FGD2: variants seen among roughly 807,000 people sequenced by gnomAD.
The protein encoded by FGD2 is FYVE, RhoGEF and PH domain containing 2.
In FGD2, 52 loss-of-function variants were observed where a neutral mutation model predicts 75.9. The observed-to-expected ratio is 0.69, with a 90% CI of 0.55 to 0.86. FGD2 has a LOEUF of 0.86. Ranked by LOEUF, FGD2 falls within the 40% of genes least tolerant of loss-of-function variation. The probability of loss-of-function intolerance (pLI) is 0.00; values close to 1 mark genes in which losing one functional copy is unlikely to be tolerated. For synonymous variants in FGD2, 347 were observed against 348.6 expected (o/e 1.00, Z 0.05); for missense variants, 790 against 872.0 (o/e 0.91, Z 1.18).
intron 1 of FGD2, 94 bp downstream of exon 1, chr6:37,005,979 C>T (rs1764730183): frequency 7.1e-7 from 1 of 1,401,862 alleles, no homozygotes; most frequent in South Asian, 1.2e-5. Context: ...TGCCCCGGAC[C>T]CTCCTCCTGC....
intron 12 of FGD2, 180 bp downstream of exon 12, chr6:37,021,784 T>C (rs1321669871): frequency 1.7e-6 from 1 of 589,826 alleles, no homozygotes; most frequent in Non-Finnish European, 3.0e-6. Flanking sequence ...CATTCCCCTT[T>C]AGCAAAACTT....
In FGD2 at chr6:37,013,783, C is replaced by CT; in HGVS notation, c.684+19dup. 1 of 1,612,840 alleles carries CT rather than the reference C, an allele frequency of 6.2e-7. No homozygotes were observed. The highest frequency in any genetic ancestry group is 8.5e-7 in the Non-Finnish European group (1 of 1,179,320). ...GCATCCAGGTGAGGCTGGGGGAGGG[C>CT]TGGAGTCAGCATTGCCACTCCCAGC... On this transcript the variant is annotated intron_variant, in intron 5 of 15. Transcript: ENST00000274963.
At chr6:37,025,662 C>G (rs1278047699) in intron 13 of FGD2, 130 bp from the exon 14 acceptor site, 5 of 941,770 alleles carry the variant, frequency 5.3e-6, no homozygotes, top group African/African-American at 1.6e-5. Context: ...TGCCTCTATT[C>G]CTCCCTCGAA....
chr6:37,008,762 C>T (rs1764866035), intron 1 of FGD2, 72 bp from the exon 2 acceptor site: 1 of 1,449,066 alleles, frequency 6.9e-7, no homozygotes. Context: ...AACCCAAATC[C>T]ACACCAGGGA....
intron 1 of FGD2, among the ~76,000 whole-genome samples, chr6:37,006,920 G>A (rs1764781545): frequency 6.6e-6 from 1 of 152,168 alleles, no homozygotes. Context: ...CTGAGGAAGA[G>A]GGCTGGGTAT....
rs1377001544 is a variant in FGD2, at chr6:37,005,752, T to A, written c.-66T>A. 3.2e-6 allele frequency: 5 copies of A among 1,553,582 alleles called. No homozygotes were observed. The highest frequency in any genetic ancestry group is 4.4e-6 in the Non-Finnish European group (5 of 1,130,790). On this transcript the variant is annotated 5_prime_UTR_variant, in exon 1 of 16. Transcript: ENST00000274963. The stretch of plus-strand genomic sequence containing the variant: ...TCTGTCCCAGGCCAGCGTGGCTGAG[T>A]GTGCTGGCTGGAGGCCTCTCTCTCT...
intron 15 of FGD2, 51 bp downstream of exon 15, chr6:37,027,626 G>T (rs755217539): frequency 6.2e-7 from 1 of 1,605,070 alleles, no homozygotes; most frequent in Admixed American, 1.7e-5. Flanking sequence ...TTCCCACAGC[G>T]TGTGTGTGAA....
At chr6:37,008,010 C>A (rs1051675509) in intron 1 of FGD2, among the ~76,000 whole-genome samples, 1 of 152,196 alleles carries the variant, frequency 6.6e-6, no homozygotes, top group Non-Finnish European at 1.5e-5. Flanking sequence ...GATTTGAATC[C>A]CACCTCTGCC....
At chr6:37,011,177 T>C in intron 3 of FGD2, 127 bp downstream of exon 3, 1 of 918,906 alleles carries the variant, frequency 1.1e-6, no homozygotes, top group Non-Finnish European at 1.7e-6. Context: ...CAGGAAGCCT[T>C]GGCCCTTTAA....
intron 9 of FGD2, among the ~76,000 whole-genome samples, chr6:37,018,355 A>G (rs1238914996): frequency 6.6e-6 from 1 of 152,144 alleles, no homozygotes; most frequent in Non-Finnish European, 1.5e-5. Context: ...CCTCTCCTGG[A>G]CGGCATGGGC....
intron 13 of FGD2, chr6:37,022,670 C>CGAGA: frequency 3.1e-6 from 1 of 323,836 alleles, no homozygotes. Context: ...CGGCCTCCAC[C>CGAGA]TGCCCCACCT....
At chr6:37,020,865 G>A in intron 11 of FGD2, 126 bp downstream of exon 11, 19 of 1,273,554 alleles carry the variant, frequency 1.5e-5, no homozygotes, top group Non-Finnish European at 1.7e-5. Context: ...TGGGCTGAAG[G>A]GGAGGGAGTG....
chr6:37,017,302 G>A (rs1765345887), intron 9 of FGD2, among the ~76,000 whole-genome samples: 1 of 152,126 alleles, frequency 6.6e-6, no homozygotes, highest in Admixed American at 6.6e-5. Flanking sequence ...TGAATAGCCT[G>A]GTACAGCCTG....
intron 15 of FGD2, 125 bp downstream of exon 15, chr6:37,027,700 A>C (rs939524440): frequency 1.9e-5 from 25 of 1,291,752 alleles, no homozygotes; most frequent in South Asian, 1.1e-4. Flanking sequence ...CCCAATGAGG[A>C]TATGGTATCC....
Position 37,012,724 on chromosome 6 carries a change from A to AG in FGD2, c.527+870_527+871insG, listed in dbSNP as rs1328360790. 1.2e-3 allele frequency among the ~76,000 whole-genome samples: 179 copies of AG among 151,594 alleles called. 1 individual carries two copies. Among genetic ancestry groups the AG allele is most frequent in the African/African-American group, 4.0e-3 (166 of 41,418 alleles). On this transcript the variant is annotated intron_variant, in intron 4 of 15. Transcript: ENST00000274963. ...GAGACCCTGACTTAAAAAAAAAAAA[A>AG]AAAGAAAGAAAAGAAAAGAGAAGGA...
intron 13 of FGD2, chr6:37,023,016 C>T (rs1467306384): frequency 6.4e-6 from 1 of 155,510 alleles, no homozygotes; most frequent in East Asian, 1.9e-4. Context: ...TTTTCCACGA[C>T]CCTGAGACCC....
chr6:37,014,768 C>A (rs748938320), intron 7 of FGD2, 64 bp downstream of exon 7: 49 of 1,610,802 alleles, frequency 3.0e-5, no homozygotes, highest in Non-Finnish European at 4.2e-5. Flanking sequence ...CTGGTCCCAC[C>A]CATGACACCT....
At chr6:37,015,904 G>C (rs1410590923) in intron 9 of FGD2, 44 bp downstream of exon 9, 8 of 1,524,034 alleles carry the variant, frequency 5.2e-6, no homozygotes. Flanking sequence ...CTCAAGGGTA[G>C]GACTGAGTAC....
chr6:37,024,544 T>A (rs1765728672), intron 13 of FGD2: 1 of 152,210 alleles, frequency 6.6e-6, no homozygotes, highest in Non-Finnish European at 1.5e-5. Flanking sequence ...AGAGCAAATG[T>A]GGCACAAATG....
Sources: allele counts gnomAD v4.1 joint callset (sites outside exome capture counted in the v4.1 genomes callset), GRCh38; gene constraint gnomAD v4.1.1; transcripts MANE v1.5; gene names NCBI Gene and HGNC (gene_info 2026-07-23, HGNC 2026-07-21).